The following ERCC6L2 variants were observed in gnomAD, a reference collection of about 807,000 sequenced individuals.
ERCC6L2 encodes ERCC excision repair 6 like 2, also known as DNA excision repair protein ERCC-6-like 2.
In ERCC6L2, 77 loss-of-function variants were observed where a neutral mutation model predicts 132.0. That is an observed-to-expected ratio of 0.58 (90% CI 0.49 to 0.71). The LOEUF (loss-of-function observed/expected upper bound fraction) is 0.71. Ranked by LOEUF, ERCC6L2 falls within the 30% of genes least tolerant of loss-of-function variation. ERCC6L2 has a pLI of 0.00. For synonymous variants in ERCC6L2, 583 were observed against 632.4 expected (o/e 0.92, Z 1.17); for missense variants, 1,542 against 1,837.6 (o/e 0.84, Z 2.94).
intron 14 of ERCC6L2, chr9:95,967,186 C>G (rs371067527): frequency 6.6e-6 from 1 of 152,172 alleles, no homozygotes; most frequent in Admixed American, 6.6e-5. Flanking sequence ...CTGTTGTGTT[C>G]ATCCTCAGCA....
intron 12 of ERCC6L2, among the ~76,000 whole-genome samples, chr9:95,951,698 G>A (rs1328410128): frequency 1.3e-5 from 2 of 152,152 alleles, no homozygotes; most frequent in African/African-American, 4.8e-5. Context: ...AATAGTCTAC[G>A]TGAAATGGAT....
At chr9:95,989,324 A>C (rs1320547465) in intron 17 of ERCC6L2, among the ~76,000 whole-genome samples, 1 of 152,186 alleles carries the variant, frequency 6.6e-6, no homozygotes, top group Non-Finnish European at 1.5e-5. Flanking sequence ...TTGGTCTTTC[A>C]GGTGACCAGC....
intron 19 of ERCC6L2, among the ~76,000 whole-genome samples, chr9:96,030,514 G>A (rs1435824598): frequency 1.3e-5 from 2 of 152,024 alleles, no homozygotes; most frequent in East Asian, 1.9e-4. Flanking sequence ...TGGCTAACAC[G>A]GTGAAACCCC....
chr9:95,907,402 G>A, intron 4 of ERCC6L2, 131 bp downstream of exon 4: 3 of 678,116 alleles, frequency 4.4e-6, no homozygotes, highest in African/African-American at 2.1e-5. Flanking sequence ...ACGGAGTTTC[G>A]CCACGTTGCC....
At chr9:95,963,451 TA>T (rs752994726) in intron 13 of ERCC6L2, among the ~76,000 whole-genome samples, 3 of 152,076 alleles carry the variant, frequency 2.0e-5, no homozygotes, top group Admixed American at 6.6e-5. Context: ...CACTCCTACT[TA>T]AATATACATA....
intron 13 of ERCC6L2, among the ~76,000 whole-genome samples, chr9:95,962,571 G>C (rs1389649447): frequency 6.6e-6 from 1 of 152,140 alleles, no homozygotes; most frequent in East Asian, 1.9e-4. Context: ...GATGTCTGAA[G>C]ACATTTTTAA....
At chr9:95,973,620 T>A (rs1402605896) in intron 16 of ERCC6L2, among the ~76,000 whole-genome samples, 1 of 152,012 alleles carries the variant, frequency 6.6e-6, no homozygotes, top group Non-Finnish European at 1.5e-5. Flanking sequence ...CCATCAGATC[T>A]CATGAGACTT....
chr9:95,905,383 T>A (rs1828981514), intron 3 of ERCC6L2, among the ~76,000 whole-genome samples: 2 of 152,200 alleles, frequency 1.3e-5, no homozygotes, highest in Non-Finnish European at 2.9e-5. Flanking sequence ...GTTGCCACCT[T>A]AATTTTTAAA....
intron 16 of ERCC6L2, among the ~76,000 whole-genome samples, chr9:95,977,085 T>G: frequency 6.6e-6 from 1 of 152,148 alleles, no homozygotes; most frequent in African/African-American, 2.4e-5. Flanking sequence ...TGTTTGTTTG[T>G]TTTTACTGTG....
chr9:96,035,067 C>T (rs79487009), intron 19 of ERCC6L2, among the ~76,000 whole-genome samples: 5,007 of 152,196 alleles, frequency 0.033, 117 homozygotes, highest in East Asian at 0.15. Context: ...TCTACCACAC[C>T]CCCCATCCCT....
chr9:96,000,550 T>A (rs1441672482), intron 17 of ERCC6L2, among the ~76,000 whole-genome samples: 1 of 152,230 alleles, frequency 6.6e-6, no homozygotes, highest in African/African-American at 2.4e-5. Context: ...GGCAGGAACG[T>A]AATAGGTGCT....
intron 17 of ERCC6L2, among the ~76,000 whole-genome samples, chr9:95,990,787 C>T (rs1411776649): frequency 6.6e-6 from 1 of 152,238 alleles, no homozygotes; most frequent in Non-Finnish European, 1.5e-5. Context: ...AGCCAAGTGC[C>T]AGCCAGCTGA....
intron 11 of ERCC6L2, among the ~76,000 whole-genome samples, chr9:95,935,094 G>T (rs967844315): frequency 4.6e-5 from 7 of 152,102 alleles, no homozygotes; most frequent in African/African-American, 1.7e-4. Context: ...AAAAATAAGA[G>T]AATTTTTGCC....
chr9:95,949,767 T>A (rs1234062833), intron 12 of ERCC6L2, among the ~76,000 whole-genome samples: 3 of 152,138 alleles, frequency 2.0e-5, no homozygotes, highest in Non-Finnish European at 4.4e-5. Context: ...CCCAGCACTT[T>A]GGGAGGCCAA....
chr9:95,984,659 ACT>A (rs1732335147), intron 17 of ERCC6L2, among the ~76,000 whole-genome samples: 1 of 151,832 alleles, frequency 6.6e-6, no homozygotes, highest in South Asian at 2.1e-4. Flanking sequence ...TTTCTAATAA[ACT>A]CTGAACTTTG....
chr9:95,926,874 T>G (rs1001943445), intron 9 of ERCC6L2, among the ~76,000 whole-genome samples: 2 of 152,058 alleles, frequency 1.3e-5, no homozygotes, highest in East Asian at 3.8e-4. Context: ...TCTAATAATA[T>G]TATTAATACA....
chr9:95,986,792 C>T (rs1170657189), intron 17 of ERCC6L2, among the ~76,000 whole-genome samples: 4 of 152,224 alleles, frequency 2.6e-5, no homozygotes, highest in Middle Eastern at 6.8e-3. Context: ...CCACCATGCC[C>T]AGCCTTATCT....
At chr9:95,931,000 A>G (rs1245705199) in intron 11 of ERCC6L2, among the ~76,000 whole-genome samples, 5 of 152,216 alleles carry the variant, frequency 3.3e-5, no homozygotes, top group Non-Finnish European at 7.3e-5. Context: ...TTTGAAGGCA[A>G]AAAAGCGTTT....
intron 12 of ERCC6L2, among the ~76,000 whole-genome samples, chr9:95,948,791 G>GAAAAAAAAA (rs55712485): frequency 1.1e-4 from 11 of 104,022 alleles, no homozygotes; most frequent in East Asian, 2.4e-4. Context: ...CAAGACATTA[G>GAAAAAAAAA]AAAAAAAAAA....
Sources: gnomAD v4.1 joint callset for allele counts (sites outside exome capture counted in the v4.1 genomes callset) on GRCh38, gnomAD v4.1.1 for gene constraint, MANE v1.5 for transcripts, NCBI Gene and HGNC (gene_info 2026-07-23, HGNC 2026-07-21) for gene names.